The following MACIR variants were observed in gnomAD, a reference collection of about 807,000 sequenced individuals.
The protein encoded by MACIR is macrophage immunometabolism regulator.
In MACIR, 4 loss-of-function variants were observed where a neutral mutation model predicts 14.3. The ratio of observed to expected loss-of-function variants is 0.28; its 90% CI spans 0.14 to 0.64. MACIR has a LOEUF of 0.64. Ranked by LOEUF, MACIR falls within the 30% of genes least tolerant of loss-of-function variation. The pLI is 0.83. For missense variants in MACIR, 228 were observed against 257.6 expected (o/e 0.89, Z 0.79); for synonymous variants, 101 against 102.4 (o/e 0.99, Z 0.08).
intron 2 of MACIR, among the ~76,000 whole-genome samples, chr5:103,271,133 A>G (rs782170550): frequency 2.7e-4 from 41 of 152,272 alleles, no homozygotes; most frequent in African/African-American, 9.9e-4. Context: ...AATGAACTCT[A>G]TATATAGGAA....
intron 2 of MACIR, among the ~76,000 whole-genome samples, chr5:103,269,761 G>A (rs1057039785): frequency 6.6e-6 from 1 of 152,138 alleles, no homozygotes; most frequent in African/African-American, 2.4e-5. Context: ...TTCCACTCAC[G>A]TGTGTTATGG....
chr5:103,270,951 C>A (rs1423077905), intron 2 of MACIR, among the ~76,000 whole-genome samples: 1 of 152,044 alleles, frequency 6.6e-6, no homozygotes, highest in Non-Finnish European at 1.5e-5. Flanking sequence ...GTTTGATAAA[C>A]TAATTCAGTC....
chr5:103,262,001 G>A (rs1804746885), intron 1 of MACIR, among the ~76,000 whole-genome samples: 1 of 152,124 alleles, frequency 6.6e-6, no homozygotes, highest in South Asian at 2.1e-4. Context: ...TTAGTGATCT[G>A]TGCTGAAGCT....
At chr5:103,272,254 T>G (rs1367121447) in intron 2 of MACIR, among the ~76,000 whole-genome samples, 2 of 152,228 alleles carry the variant, frequency 1.3e-5, no homozygotes, top group African/African-American at 2.4e-5. Context: ...ATAGCTGAGT[T>G]TCCTGATGGA....
At chr5:103,263,545 T>C (rs1804809418) in intron 1 of MACIR, among the ~76,000 whole-genome samples, 1 of 152,174 alleles carries the variant, frequency 6.6e-6, no homozygotes, top group Non-Finnish European at 1.5e-5. Flanking sequence ...TTCTTTCTTT[T>C]GATGTTGAAA....
At position 103,275,917 on chromosome 5, in the gene MACIR, A is replaced by G. The variant is rs1311505395; in HGVS notation, c.-3A>G. ...TTTAGGATTGTGCAGACTGGTGCTT[A>G]AAATGGAAGTCGATATTAATGGAGA... On this transcript the variant is annotated 5_prime_UTR_variant, in exon 3 of 3. Transcript: ENST00000319933. The G allele has an allele frequency of 1.4e-5, 22 of 1,608,286 alleles. No individual in the cohort carries two copies. Among genetic ancestry groups the G allele is most frequent in the Middle Eastern group, 1.7e-4 (1 of 6,050 alleles).
At chr5:103,272,311 A>G (rs1220683935) in intron 2 of MACIR, among the ~76,000 whole-genome samples, 3 of 151,386 alleles carry the variant, frequency 2.0e-5, no homozygotes, top group African/African-American at 7.3e-5. Flanking sequence ...GGACATCTGT[A>G]TATCAAGATA....
intron 1 of MACIR, among the ~76,000 whole-genome samples, chr5:103,260,398 G>A (rs1269227793): frequency 6.6e-6 from 1 of 152,058 alleles, no homozygotes; most frequent in Non-Finnish European, 1.5e-5. Context: ...GCTTTTGGCC[G>A]CGATTTATGA....
rs1805350911 is a variant in MACIR at position 103,276,721 on chromosome 5, G to GA, written c.*181_*182insA. On this transcript the variant is annotated 3_prime_UTR_variant, in exon 3 of 3. Transcript: ENST00000319933. ...AGGAATGAAATCACAGGTACTTGGG[G>GA]GGGGGATATCATTCTAGAGCACGCA... The GA allele has an allele frequency of 5.8e-6, 3 of 516,392 alleles. No homozygotes were observed. The African/African-American group carries it at 5.8e-5, about 10-fold the overall frequency. The allele number at this position is 516,392 out of a possible 1,614,324, so 32.0% of individuals were successfully genotyped here.
chr5:103,278,321 C>T lies in MACIR; in HGVS notation c.*1781C>T, dbSNP rs993476646. On this transcript the variant is annotated 3_prime_UTR_variant, in exon 3 of 3. Transcript: ENST00000319933. ...CACCATTATTTATTGACAATTTACC[C>T]TGTGGAACTGTATTATTTCTAACTA... 2 of 166,720 alleles carry T rather than the reference C, an allele frequency of 1.2e-5. No individual in the cohort carries two copies. The highest frequency in any genetic ancestry group is 2.9e-5 in the Non-Finnish European group (2 of 68,086). 10.3% of individuals were successfully genotyped at this position (166,720 alleles called of 1,614,324 possible). A position where few individuals can be genotyped will look rare whatever the true frequency, so the allele number is the denominator to read the frequency against.
In MACIR at chr5:103,277,686, A is replaced by G. The variant is rs1805385460; in HGVS notation, c.*1146A>G. The G allele has an allele frequency of 6.0e-6, 1 of 167,086 alleles. No homozygotes were observed. The highest frequency in any genetic ancestry group is 2.4e-5 in the African/African-American group (1 of 41,460). The allele number at this position is 167,086 out of a possible 1,614,324, so 10.4% of individuals were successfully genotyped here. A position where few individuals can be genotyped will look rare whatever the true frequency, so the allele number is the denominator to read the frequency against. On this transcript the variant is annotated 3_prime_UTR_variant, in exon 3 of 3. Coordinates refer to ENST00000319933, the MANE Select transcript of MACIR (RefSeq NM_033211.4). The stretch of plus-strand genomic sequence containing the variant: ...GGTTTAATTTGTTGCTAAAGAAATA[A>G]TGCCCTGGGTTTAGTAACAAATACA...
chr5:103,259,029 C>T, intron 1 of MACIR, 133 bp downstream of exon 1: 1 of 152,538 alleles, frequency 6.6e-6, no homozygotes, highest in Non-Finnish European at 1.5e-5. Context: ...CGCGGCGCCG[C>T]CCCTTCCTCT....
At chr5:103,258,623 G>A (rs1804541668), upstream of MACIR, 1 of 152,854 alleles carries the variant, frequency 6.5e-6, no homozygotes, top group Non-Finnish European at 1.5e-5. Context: ...GGCGCAGGAG[G>A]CGGGCTCAGC....
intron 2 of MACIR, among the ~76,000 whole-genome samples, chr5:103,271,349 T>C (rs1174347922): frequency 6.6e-6 from 1 of 152,068 alleles, no homozygotes; most frequent in African/African-American, 2.4e-5. Flanking sequence ...TCTCAGAGAG[T>C]ATTCAGACCT....
At position 103,265,959 on chromosome 5, in the gene MACIR, T is replaced by C. The variant is rs1265819679; in HGVS notation, c.-62T>C. ...TATGTCTGTGTTCCCTTGGGACTCA[T>C]TGGAAATTGTACAGTGACATCTTCT... is the stretch of plus-strand genomic sequence containing the variant. On this transcript the variant is annotated 5_prime_UTR_variant, in exon 2 of 3. Transcript: ENST00000319933. 1 of 152,108 alleles carries C rather than the reference T, an allele frequency of 6.6e-6. No homozygotes were observed. Among genetic ancestry groups the C allele is most frequent in the East Asian group, 1.9e-4 (1 of 5,202 alleles). The allele number at this position is 152,108 out of a possible 1,614,324, so 9.4% of individuals were successfully genotyped here.
At chr5:103,264,978 G>A (rs797042567) in intron 1 of MACIR, among the ~76,000 whole-genome samples, 13 of 152,154 alleles carry the variant, frequency 8.5e-5, no homozygotes, top group African/African-American at 2.9e-4. Context: ...AACTGCTTCT[G>A]TTGTTTAACC....
rs1580560734 is a variant in MACIR at position 103,260,868 on chromosome 5, G to A, written c.-114+1972G>A. On this transcript the variant is annotated intron_variant, in intron 1 of 2. Coordinates refer to ENST00000319933, the MANE Select transcript of MACIR (RefSeq NM_033211.4). ...GATTTTGTCACCAGCCTATCAAAAT[G>A]AGTACCTGGTTTTAAGCCTTCCCAA... is the stretch of plus-strand genomic sequence containing the variant. Among the ~76,000 whole-genome samples the A allele has an allele frequency of 2.6e-5, 4 of 152,310 alleles. No individual in the cohort carries two copies. In the South Asian group the frequency reaches 8.3e-4, roughly 32 times the overall value.
At chr5:103,269,310 C>G (rs1805043484) in intron 2 of MACIR, among the ~76,000 whole-genome samples, 1 of 152,046 alleles carries the variant, frequency 6.6e-6, no homozygotes, top group Admixed American at 6.5e-5. Flanking sequence ...CCTGTTTCCC[C>G]AAAAATGGCT....
chr5:103,276,621 CTCT>C lies in MACIR; in HGVS notation c.*84_*86del. 1 of 1,276,840 alleles carries C rather than the reference CTCT, an allele frequency of 7.8e-7. No homozygotes were observed. Among genetic ancestry groups the C allele is most frequent in the Admixed American group, 2.3e-5 (1 of 43,670 alleles). 79.1% of individuals were successfully genotyped at this position (1,276,840 alleles called of 1,614,324 possible). A position where few individuals can be genotyped will look rare whatever the true frequency, so the allele number is the denominator to read the frequency against. On this transcript the variant is annotated 3_prime_UTR_variant, in exon 3 of 3. Coordinates refer to ENST00000319933, the MANE Select transcript of MACIR (RefSeq NM_033211.4). ...ACCCACTGCTGTACTCTGTACATGA[CTCT>C]TCACACTATAGATGGTTATATCAGC...
Sources: gnomAD v4.1 joint callset for allele counts (sites outside exome capture counted in the v4.1 genomes callset) on GRCh38, gnomAD v4.1.1 for gene constraint, MANE v1.5 for transcripts, NCBI Gene and HGNC (gene_info 2026-07-23, HGNC 2026-07-21) for gene names.